Variants in PIK3C2A observed in about 807,000 individuals in gnomAD.
PIK3C2A encodes the protein phosphatidylinositol 4-phosphate 3-kinase C2 domain-containing subunit alpha.
Under a neutral mutation model 204.5 loss-of-function variants are expected in PIK3C2A, and 97 were observed. The observed-to-expected ratio is 0.47, with a 90% CI of 0.40 to 0.56. PIK3C2A has a LOEUF of 0.56. PIK3C2A is among the 20% of genes least tolerant of loss of function. The probability of loss-of-function intolerance (pLI) is 0.00; values close to 1 mark genes in which losing one functional copy is unlikely to be tolerated. For missense variants in PIK3C2A, 1,735 were observed against 1,969.2 expected (o/e 0.88, Z 2.25); for synonymous variants, 653 against 664.4 (o/e 0.98, Z 0.26).
At chr11:17,166,473 T>C (rs1279456439) in intron 2 of PIK3C2A, among the ~76,000 whole-genome samples, 1 of 152,186 alleles carries the variant, frequency 6.6e-6, no homozygotes. Flanking sequence ...GCTGGGATAA[T>C]CTATTTCTCT....
chr11:17,110,233 A>G (rs1490828219), intron 22 of PIK3C2A, among the ~76,000 whole-genome samples, 199 bp downstream of exon 22: 12 of 152,148 alleles, frequency 7.9e-5, no homozygotes, highest in Admixed American at 7.9e-4. Context: ...GATTACAGGC[A>G]TGAGCCACTA....
chr11:17,197,177 T>C (rs915313397), intron 1 of PIK3C2A, among the ~76,000 whole-genome samples: 1 of 151,970 alleles, frequency 6.6e-6, no homozygotes, highest in South Asian at 2.1e-4. Flanking sequence ...AGCACCACCA[T>C]GCCTGGCTAA....
At chr11:17,153,492 T>C (rs1291258155) in intron 3 of PIK3C2A, among the ~76,000 whole-genome samples, 4 of 150,638 alleles carry the variant, frequency 2.7e-5, no homozygotes, top group Non-Finnish European at 3.0e-5. Context: ...ATAGCAAGCT[T>C]TGTCAATTAT....
chr11:17,092,308 T>A, intron 28 of PIK3C2A, 32 bp from the exon 29 acceptor site: 1 of 919,882 alleles, frequency 1.1e-6, no homozygotes, highest in Non-Finnish European at 1.8e-6. Flanking sequence ...AAGTGGGATT[T>A]AAATAAGTAC....
chr11:17,187,442 T>C (rs1407061319), intron 1 of PIK3C2A, among the ~76,000 whole-genome samples: 1 of 152,170 alleles, frequency 6.6e-6, no homozygotes, highest in Non-Finnish European at 1.5e-5. Context: ...TTCAGTTGTT[T>C]TTAGTATATT....
chr11:17,169,222 G>A lies in PIK3C2A; in HGVS notation c.520C>T (p.Pro174Ser), dbSNP rs1187992965. 6.2e-7 allele frequency: 1 copy of A among 1,614,084 alleles called. No individual in the cohort carries two copies. Among genetic ancestry groups the A allele is most frequent in the African/African-American group, 1.3e-5 (1 of 75,040 alleles). Residue 174 changes from proline (P) to serine (S), a missense_variant, in exon 2 of 33, where the codon CCA becomes TCA. Transcript: ENST00000691414. ...KQAAFQNGFN[P>S]RMPTFPSTEP... ...GTAGATGGAAAAGTGGGCATTCTTG[G>A]ATTGAAGCCATTTTGGAATGCAGCC...
chr11:17,179,924 G>T (rs576957533), intron 1 of PIK3C2A, among the ~76,000 whole-genome samples: 2 of 152,262 alleles, frequency 1.3e-5, no homozygotes, highest in African/African-American at 4.8e-5. Flanking sequence ...TCAGTGTAAA[G>T]AAATTCTATC....
Position 17,144,157 on chromosome 11 carries a change from A to G in PIK3C2A, c.1704+1511T>C, listed in dbSNP as rs928403290. Among the ~76,000 whole-genome samples the G allele has an allele frequency of 1.1e-4, 17 of 152,304 alleles. No individual in the cohort carries two copies. The South Asian group carries it at 2.7e-3, about 24-fold the overall frequency. On this transcript the variant is annotated intron_variant, in intron 8 of 32. Transcript: ENST00000691414. Reference sequence around the variant, plus strand: ...TTTGTACTCTATCACAGAATTGCTTATACTTCCATGTAAATATCACACCTA... The same window carrying G: ...TTTGTACTCTATCACAGAATTGCTTGTACTTCCATGTAAATATCACACCTA...
rs532841178 is a variant in PIK3C2A at position 17,170,579 on chromosome 11, C to T, written c.-65-773G>A. Among the ~76,000 whole-genome samples the T allele has an allele frequency of 3.9e-5, 6 of 152,158 alleles. No homozygotes were observed. The East Asian group carries it at 5.8e-4, about 15-fold the overall frequency. ...AATCCTTAAATATTTTTATTCTTCA[C>T]GAAAAGATGAGAAGATAATTTTTAA... is the stretch of plus-strand genomic sequence containing the variant. On this transcript the variant is annotated intron_variant, in intron 1 of 32. Coordinates refer to ENST00000691414, the MANE Select transcript of PIK3C2A (RefSeq NM_002645.4).
At chr11:17,177,599 T>C (rs1319773717) in intron 1 of PIK3C2A, among the ~76,000 whole-genome samples, 1 of 152,242 alleles carries the variant, frequency 6.6e-6, no homozygotes, top group East Asian at 1.9e-4. Context: ...AGTTGTTCCA[T>C]CTCTGTTAAA....
At chr11:17,175,580 A>G (rs184318177) in intron 1 of PIK3C2A, among the ~76,000 whole-genome samples, 2 of 152,352 alleles carry the variant, frequency 1.3e-5, no homozygotes, top group African/African-American at 4.8e-5. Flanking sequence ...TCAAGCTGAG[A>G]AAGACAATAT....
chr11:17,131,863 A>G, intron 12 of PIK3C2A, 53 bp downstream of exon 12: 1 of 1,501,476 alleles, frequency 6.7e-7, no homozygotes, highest in Non-Finnish European at 9.1e-7. Flanking sequence ...TACATTGGAA[A>G]AAGTAAACAA....
At chr11:17,113,153 A>G (rs969827854) in intron 20 of PIK3C2A, among the ~76,000 whole-genome samples, 2 of 152,116 alleles carry the variant, frequency 1.3e-5, no homozygotes, top group Non-Finnish European at 2.9e-5. Flanking sequence ...CTGGGATTAC[A>G]GGCACCCGCC....
chr11:17,138,245 A>T, intron 8 of PIK3C2A: 1 of 935,518 alleles, frequency 1.1e-6, no homozygotes, highest in Non-Finnish European at 1.7e-6. Context: ...AAACAATTCT[A>T]TTACCAGGGG....
In PIK3C2A at chr11:17,089,809, G is replaced by C. The variant is rs1486101656; in HGVS notation, c.4990C>G (p.Pro1664Ala). 6.2e-7 allele frequency: 1 copy of C among 1,613,804 alleles called. No individual in the cohort carries two copies. Among genetic ancestry groups the C allele is most frequent in the Non-Finnish European group, 8.5e-7 (1 of 1,179,742 alleles). ...TTGCTCAAGTTGAAATCTTTCAAAG[G>C]CAGGGTTACTCCACCCAAGAAAAAA... is the stretch of plus-strand genomic sequence containing the variant. ...ENFFLGGVTL[P>A]LKDFNLSKET... is the part of the protein sequence containing the mutation. Residue 1664 changes from proline (P) to alanine (A), a missense_variant, in exon 33 of 33, where the codon CCT (proline) becomes GCT (alanine). Pro to Ala is a conservative substitution (Grantham distance 27). Transcript: ENST00000691414.
chr11:17,098,462 T>C (rs1173188241), intron 26 of PIK3C2A, among the ~76,000 whole-genome samples: 2 of 152,236 alleles, frequency 1.3e-5, no homozygotes, highest in African/African-American at 4.8e-5. Flanking sequence ...ACCTTGATTT[T>C]GGACCTCATA....
At position 17,145,554 on chromosome 11, in the gene PIK3C2A, G is replaced by T. The variant is rs17847737; in HGVS notation, c.1704+114C>A. The T allele has an allele frequency of 1.8e-5, 12 of 649,086 alleles. No individual in the cohort carries two copies. The East Asian group carries it at 2.7e-4, about 15-fold the overall frequency. The allele number at this position is 649,086 out of a possible 1,614,324, so 40.2% of individuals were successfully genotyped here. ...TATTTTCTTTATAAATTAAAAAGAA[G>T]AATATAGTCTTAAAAGTCCTAAAAT... On this transcript the variant is annotated intron_variant, in intron 8 of 32. Transcript: ENST00000691414.
At chr11:17,126,846 A>C (rs1011391808) in intron 13 of PIK3C2A, among the ~76,000 whole-genome samples, 1 of 152,250 alleles carries the variant, frequency 6.6e-6, no homozygotes, top group Non-Finnish European at 1.5e-5. Context: ...TTATGAAAGA[A>C]TATTATATCA....
intron 2 of PIK3C2A, among the ~76,000 whole-genome samples, chr11:17,157,066 T>C (rs1850618729): frequency 6.6e-6 from 1 of 152,166 alleles, no homozygotes; most frequent in Non-Finnish European, 1.5e-5. Context: ...ACTAGCACAG[T>C]TAAATGTCTG....
Sources: allele counts gnomAD v4.1 joint callset (sites outside exome capture counted in the v4.1 genomes callset), GRCh38; gene constraint gnomAD v4.1.1; transcripts MANE v1.5; gene names NCBI Gene and HGNC (gene_info 2026-07-23, HGNC 2026-07-21).